Variants in CDH1 observed in about 807,000 individuals in gnomAD.
The protein encoded by CDH1 is cadherin-1.
Under a neutral mutation model 84.5 loss-of-function variants are expected in CDH1, and 35 were observed. That is an observed-to-expected ratio of 0.41 (90% confidence interval 0.32 to 0.55). The LOEUF (loss-of-function observed/expected upper bound fraction) is 0.55, where lower values mean the gene tolerates loss of function less well. Ranked by LOEUF, CDH1 falls within the 20% of genes least tolerant of loss-of-function variation. The pLI, the probability that CDH1 is intolerant of heterozygous loss-of-function variation, is 0.19. For synonymous variants in CDH1, 417 were observed against 439.0 expected (o/e 0.95, Z 0.63); for missense variants, 994 against 1,126.6 (o/e 0.88, Z 1.68).
chr16:68,783,388 C>CAAAAAAAA (rs375080273), intron 2 of CDH1, among the ~76,000 whole-genome samples: 3 of 61,926 alleles, frequency 4.8e-5, no homozygotes, highest in Non-Finnish European at 6.7e-5. Flanking sequence ...CAGAGTATCT[C>CAAAAAAAA]AAAAAAAAAA....
At chr16:68,805,300 G>A (rs202087234) in intron 3 of CDH1, among the ~76,000 whole-genome samples, 133 of 152,046 alleles carry the variant, frequency 8.7e-4, no homozygotes, top group Non-Finnish European at 1.3e-3. Flanking sequence ...GATTATAGGC[G>A]TGAGCCACCG....
intron 3 of CDH1, 53 bp from the exon 4 acceptor site, chr16:68,808,371 G>A: frequency 1.2e-6 from 2 of 1,605,540 alleles, no homozygotes; most frequent in Admixed American, 3.3e-5. Context: ...TGTTAGACCT[G>A]AAGTATCCGT....
intron 2 of CDH1, among the ~76,000 whole-genome samples, chr16:68,740,669 G>T (rs1349533157): frequency 6.6e-6 from 1 of 152,020 alleles, no homozygotes; most frequent in African/African-American, 2.4e-5. Context: ...TCCCTTCTAA[G>T]CTCCTGTGTT....
chr16:68,824,101 G>A (rs1343475430), intron 13 of CDH1, among the ~76,000 whole-genome samples: 4 of 148,164 alleles, frequency 2.7e-5, no homozygotes, highest in Non-Finnish European at 5.9e-5. Context: ...AGGTTCAAGC[G>A]ATTCTCCCGC....
At chr16:68,795,016 C>G (rs536280290) in intron 2 of CDH1, among the ~76,000 whole-genome samples, 1 of 152,124 alleles carries the variant, frequency 6.6e-6, no homozygotes, top group South Asian at 2.1e-4. Context: ...TTTAGATTTT[C>G]TTTTTTTGGT....
chr16:68,811,894 A>G (rs377733982), intron 7 of CDH1, 35 bp downstream of exon 7: 1 of 1,609,916 alleles, frequency 6.2e-7, no homozygotes, highest in South Asian at 1.1e-5. Flanking sequence ...GGTGTGGAGG[A>G]CAAATGTGTA....
Position 68,815,727 on chromosome 16 carries a change from G to T in CDH1, c.1533G>T (p.Gln511His), listed in dbSNP as rs876658342. The T allele has an allele frequency of 6.2e-7, 1 of 1,614,226 alleles. No homozygotes were observed. Among genetic ancestry groups the T allele is most frequent in the Non-Finnish European group, 8.5e-7 (1 of 1,180,038 alleles). ...AGGAAATCACATCCTACACTGCCCA[G>T]GAGCCAGACACATTTATGGAACAGA... ...VGQEITSYTAQEPDTFMEQKI... is the reference protein window; with the variant it reads ...VGQEITSYTAHEPDTFMEQKI... The change falls in exon 10 of 16, where the codon CAG (glutamine) becomes CAT (histidine). Residue 511 changes from glutamine (Q) to histidine (H), a missense_variant. Around this residue, in one of 3 missense-constraint regions of CDH1, gnomAD observed 769 missense variants for 881.8 expected, o/e 0.87. Coordinates refer to ENST00000261769, the MANE Select transcript of CDH1 (RefSeq NM_004360.5).
chr16:68,821,697 A>T (rs1259048550), intron 11 of CDH1, among the ~76,000 whole-genome samples: 2 of 152,242 alleles, frequency 1.3e-5, no homozygotes, highest in Non-Finnish European at 2.9e-5. Flanking sequence ...TTCTTGGAGT[A>T]GTTAAAATTC....
chr16:68,774,525 A>C (rs1240911966), intron 2 of CDH1, among the ~76,000 whole-genome samples: 1 of 152,106 alleles, frequency 6.6e-6, no homozygotes, highest in African/African-American at 2.4e-5. Flanking sequence ...GTCTCAAATA[A>C]ATAAATAAGT....
chr16:68,786,520 C>CTTTTTTTTTTGTTTTTTTTTTT (rs1960049473), intron 2 of CDH1, among the ~76,000 whole-genome samples: 1 of 77,534 alleles, frequency 1.3e-5, no homozygotes, highest in Non-Finnish European at 2.7e-5. Flanking sequence ...TTTCTGCTTT[C>CTTTTTTTTTTGTTTTTTTTTTT]TTTTTTTTTT....
chr16:68,745,584 A>ATATAT (rs139609658), intron 2 of CDH1, among the ~76,000 whole-genome samples: 8 of 45,304 alleles, frequency 1.8e-4, no homozygotes, highest in East Asian at 5.5e-4. Flanking sequence ...ATGTATGTGT[A>ATATAT]ATATATGTGT....
chr16:68,806,407 C>T (rs759301525), intron 3 of CDH1, among the ~76,000 whole-genome samples: 4 of 151,964 alleles, frequency 2.6e-5, no homozygotes, highest in South Asian at 2.1e-4. Context: ...GCCTTAGCCT[C>T]CCAAAGTGCT....
intron 5 of CDH1, chr16:68,809,105 T>G (rs758737071): frequency 1.0e-4 from 53 of 518,556 alleles, no homozygotes; most frequent in Non-Finnish European, 1.3e-4. Flanking sequence ...AGACCCAAGA[T>G]GTCAACCTGT....
At position 68,737,353 on chromosome 16, in the gene CDH1, C is replaced by A. The variant is rs572272864; in HGVS notation, c.-63C>A. ...GGAAGTCAGTTCAGACTCCAGCCCG[C>A]TCCAGCCCGGCCCGACCCGACCGCA... On this transcript the variant is annotated 5_prime_UTR_variant, in exon 1 of 16. Transcript: ENST00000261769. 130 of 1,419,220 alleles carry A rather than the reference C, an allele frequency of 9.2e-5. 2 individuals are homozygous for A. The South Asian group carries it at 9.8e-4, about 11-fold the overall frequency. The allele number at this position is 1,419,220 out of a possible 1,614,324, so 87.9% of individuals were successfully genotyped here.
At chr16:68,795,381 C>T (rs905452221) in intron 2 of CDH1, among the ~76,000 whole-genome samples, 4 of 152,086 alleles carry the variant, frequency 2.6e-5, no homozygotes, top group South Asian at 4.2e-4. Context: ...ACTATGTTGC[C>T]CAGGCTAGTC....
chr16:68,744,036 T>G (rs1280969660), intron 2 of CDH1, among the ~76,000 whole-genome samples: 1 of 152,204 alleles, frequency 6.6e-6, no homozygotes, highest in Admixed American at 6.5e-5. Context: ...AGAGAGAAAG[T>G]AGAGAGAATA....
chr16:68,757,031 C>G (rs1474368086), intron 2 of CDH1, among the ~76,000 whole-genome samples: 3 of 152,034 alleles, frequency 2.0e-5, no homozygotes, highest in African/African-American at 7.2e-5. Context: ...AAAACAAAGC[C>G]CTCTTCTACT....
At position 68,796,280 on chromosome 16, in the gene CDH1, A is replaced by G. The variant is rs148336657; in HGVS notation, c.164-5390A>G. 5.6e-4 allele frequency among the ~76,000 whole-genome samples: 85 copies of G among 152,312 alleles called. 1 individual carries two copies. In the East Asian group the frequency reaches 0.015, roughly 27 times the overall value. ...TGCCCCTTTGTATGCAGGGTGGGCA[A>G]AACACTGCTTCCAACTAGTTACGTC... On this transcript the variant is annotated intron_variant, in intron 2 of 15. Transcript: ENST00000261769.
At chr16:68,822,616 C>G (rs568783409) in intron 12 of CDH1, 2 of 440,652 alleles carry the variant, frequency 4.5e-6, no homozygotes, top group Admixed American at 2.8e-5. Flanking sequence ...ACTATTCTAC[C>G]GAGGTGGAGG....
Sources: allele counts gnomAD v4.1 joint callset (sites outside exome capture counted in the v4.1 genomes callset), GRCh38; gene constraint gnomAD v4.1.1; regional missense constraint gnomAD v4.1.1; transcripts MANE v1.5; gene names NCBI Gene and HGNC (gene_info 2026-07-23, HGNC 2026-07-21).